The following CADPS variants were observed in gnomAD, a reference collection of about 807,000 sequenced individuals.
CADPS encodes calcium dependent secretion activator, also known as calcium-dependent secretion activator 1.
In CADPS, 57 loss-of-function variants were observed where a neutral mutation model predicts 167.3. The ratio of observed to expected loss-of-function variants is 0.34; its 90% confidence interval spans 0.28 to 0.42. CADPS has a LOEUF of 0.42. Ranked by LOEUF, CADPS falls within the 20% of genes least tolerant of loss-of-function variation. The probability of loss-of-function intolerance (pLI) is 1.00; values close to 1 mark genes in which losing one functional copy is unlikely to be tolerated. For missense variants in CADPS, 1,414 were observed against 1,738.1 expected, an observed-to-expected ratio of 0.81 and a Z score of 3.32; for synonymous variants, 676 against 635.3, an observed-to-expected ratio of 1.06 and a Z score of -0.96.
rs145339043 is a variant in CADPS, at chr3:62,493,639, A to G, written c.2727+6T>C. ...CTCTTCTTTCACGAGATTTCACTTTACTTACTTCTCCTTTATCAACATGTG... is the reference window on the plus strand; with the variant it reads ...CTCTTCTTTCACGAGATTTCACTTTGCTTACTTCTCCTTTATCAACATGTG... On this transcript the variant is annotated splice_donor_region_variant and intron_variant, in intron 19 of 29. Coordinates refer to ENST00000383710, the MANE Select transcript of CADPS (RefSeq NM_003716.4). 3.9e-4 allele frequency: 604 copies of G among 1,554,706 alleles called. 2 individuals are homozygous for G. In the African/African-American group the frequency reaches 7.3e-3, roughly 19 times the overall value.
At chr3:62,513,693 T>G in intron 16 of CADPS, 2 of 1,585,824 alleles carry the variant, frequency 1.3e-6, no homozygotes, top group South Asian at 1.1e-5. Context: ...GCTCATACAT[T>G]TCTCTCTTTT....
At chr3:62,871,210 T>C (rs187557879) in intron 1 of CADPS, among the ~76,000 whole-genome samples, 124 of 152,308 alleles carry the variant, frequency 8.1e-4, no homozygotes, top group African/African-American at 2.8e-3. Context: ...ATGATGGTAC[T>C]GTCTCCTTCT....
chr3:62,447,374 G>A (rs1030726930), intron 26 of CADPS, among the ~76,000 whole-genome samples: 3 of 152,272 alleles, frequency 2.0e-5, no homozygotes, highest in East Asian at 3.9e-4. Flanking sequence ...ACGATTCCTG[G>A]AGTCTCCTGT....
intron 1 of CADPS, among the ~76,000 whole-genome samples, chr3:62,812,972 A>G (rs1273238896): frequency 2.0e-5 from 3 of 152,136 alleles, no homozygotes; most frequent in South Asian, 2.1e-4. Context: ...AAAAACGTTT[A>G]AACACAAATG....
At chr3:62,827,642 T>C (rs1409249405) in intron 1 of CADPS, among the ~76,000 whole-genome samples, 1 of 152,172 alleles carries the variant, frequency 6.6e-6, no homozygotes, top group Non-Finnish European at 1.5e-5. Flanking sequence ...AAACTGATCT[T>C]TCAAATAGCT....
At chr3:62,473,991 C>T (rs2060934501) in intron 24 of CADPS, 182 bp downstream of exon 24, 1 of 509,772 alleles carries the variant, frequency 2.0e-6, no homozygotes, top group East Asian at 3.2e-5. Flanking sequence ...CTCATCAGCA[C>T]ATGCCTTAGA....
intron 9 of CADPS, among the ~76,000 whole-genome samples, chr3:62,560,052 T>C: frequency 6.6e-6 from 1 of 152,068 alleles, no homozygotes; most frequent in East Asian, 1.9e-4. Context: ...CTTCTGGTTA[T>C]ATTGCTGAAG....
chr3:62,827,224 C>G (rs2074230009), intron 1 of CADPS, among the ~76,000 whole-genome samples: 2 of 152,238 alleles, frequency 1.3e-5, no homozygotes, highest in East Asian at 3.9e-4. Context: ...TCCAAGAAGT[C>G]TGAAAATGGG....
At chr3:62,597,103 T>C (rs2059043200) in intron 6 of CADPS, among the ~76,000 whole-genome samples, 1 of 152,184 alleles carries the variant, frequency 6.6e-6, no homozygotes, top group Admixed American at 6.5e-5. Flanking sequence ...CCTGTAATCC[T>C]AGTGCTTTTG....
intron 3 of CADPS, among the ~76,000 whole-genome samples, chr3:62,663,611 C>CA (rs34328613): frequency 0.17 from 20,247 of 119,618 alleles, 1,766 homozygotes; most frequent in Non-Finnish European, 0.21. Context: ...TCCCTGCCTC[C>CA]AAAAAAAAAA....
intron 21 of CADPS, among the ~76,000 whole-genome samples, chr3:62,487,810 C>T (rs2063068889): frequency 6.6e-6 from 1 of 152,042 alleles, no homozygotes; most frequent in Non-Finnish European, 1.5e-5. Context: ...TTTTACAGGG[C>T]CATATTTTGA....
At position 62,602,108 on chromosome 3, in the gene CADPS, T is replaced by C. The variant is rs1467672697; in HGVS notation, c.1326-9360A>G. Among the ~76,000 whole-genome samples, 9 of 152,190 alleles carry C rather than the reference T, an allele frequency of 5.9e-5. No individual in the cohort carries two copies. The South Asian group carries it at 8.3e-4, about 14-fold the overall frequency. On this transcript the variant is annotated intron_variant, in intron 6 of 29. Coordinates refer to ENST00000383710, the MANE Select transcript of CADPS (RefSeq NM_003716.4). The surrounding 1 kb of genome is among the most constrained non-coding windows in gnomAD (Gnocchi z 4.4). ...TGAACAAAAAACAACATTTGCCACA[T>C]AGGGAATATACCTCCCAAAATGACA...
At chr3:62,590,287 T>C (rs2085658140) in intron 7 of CADPS, among the ~76,000 whole-genome samples, 1 of 152,148 alleles carries the variant, frequency 6.6e-6, no homozygotes, top group Non-Finnish European at 1.5e-5. Flanking sequence ...CAGTTACACT[T>C]GTTCCTTCTA....
rs2061605865 is a variant in CADPS at position 62,478,623 on chromosome 3, ACCCC to A, written c.3174-211_3174-208del. Among the ~76,000 whole-genome samples the A allele has an allele frequency of 6.6e-6, 1 of 152,090 alleles. No homozygotes were observed. The highest frequency in any genetic ancestry group is 6.5e-5 in the Admixed American group (1 of 15,274). ...CTTAGTGTGCTTTGCTCAGCCAATT[ACCCC>A]AGACCAGTGAGAAGTCTGGGGAAGG... On this transcript the variant is annotated intron_variant, in intron 22 of 29. Transcript: ENST00000383710. This position sits in a 1 kb window ranked among gnomAD's most constrained non-coding sequence, Gnocchi z 5.7.
chr3:62,771,756 C>T (rs2088836512), intron 1 of CADPS, among the ~76,000 whole-genome samples: 1 of 152,184 alleles, frequency 6.6e-6, no homozygotes. Flanking sequence ...GCAGCGTTTG[C>T]TAGAACTATT....
chr3:62,462,530 G>T (rs1268828594), intron 26 of CADPS, among the ~76,000 whole-genome samples: 3 of 152,216 alleles, frequency 2.0e-5, no homozygotes, highest in Non-Finnish European at 4.4e-5. Context: ...GTCGATACTC[G>T]TCAGCTTTCT....
intron 28 of CADPS, among the ~76,000 whole-genome samples, chr3:62,411,115 C>T (rs1404083005): frequency 6.6e-6 from 1 of 152,028 alleles, no homozygotes; most frequent in African/African-American, 2.4e-5. Context: ...AAAAAACAAA[C>T]AAACAAACAA....
intron 9 of CADPS, among the ~76,000 whole-genome samples, chr3:62,565,448 G>A (rs1200533424): frequency 1.3e-5 from 2 of 152,142 alleles, no homozygotes; most frequent in Non-Finnish European, 2.9e-5. Flanking sequence ...GTTTCTCCAA[G>A]GGTGGCCTTT....
chr3:62,827,088 T>A (rs2074201412), intron 1 of CADPS, among the ~76,000 whole-genome samples: 1 of 152,198 alleles, frequency 6.6e-6, no homozygotes. Flanking sequence ...ATAATTTGAT[T>A]GCAGACAAGA....
Sources: gnomAD v4.1 joint callset for allele counts (sites outside exome capture counted in the v4.1 genomes callset) on GRCh38, gnomAD v4.1.1 for gene constraint, Gnocchi (gnomAD v3.1) non-coding constraint, MANE v1.5 for transcripts, NCBI Gene and HGNC (gene_info 2026-07-23, HGNC 2026-07-21) for gene names.